The following PLEKHG5 variants were observed in gnomAD, a reference collection of about 807,000 sequenced individuals.
PLEKHG5 encodes pleckstrin homology and RhoGEF domain containing G5, also known as pleckstrin homology domain-containing family G member 5.
In PLEKHG5, 52 loss-of-function variants were observed where a neutral mutation model predicts 103.8. The observed-to-expected ratio is 0.50, with a 90% CI of 0.40 to 0.63. The LOEUF (loss-of-function observed/expected upper bound fraction) is 0.63. PLEKHG5 is among the 30% of genes least tolerant of loss of function. PLEKHG5 has a pLI of 0.00. For synonymous variants in PLEKHG5, 592 were observed against 575.5 expected (o/e 1.03, Z -0.41); for missense variants, 1,205 against 1,347.6 (o/e 0.89, Z 1.66).
At chr1:6,481,681 G>A (rs1415313677) in intron 1 of PLEKHG5, among the ~76,000 whole-genome samples, 2 of 151,440 alleles carry the variant, frequency 1.3e-5, no homozygotes, top group East Asian at 3.9e-4. Context: ...TGGCTAACAT[G>A]GTGAAACCCC....
At chr1:6,478,675 G>A (rs1013761720) in intron 1 of PLEKHG5, among the ~76,000 whole-genome samples, 4 of 151,452 alleles carry the variant, frequency 2.6e-5, no homozygotes, top group Non-Finnish European at 5.9e-5. Flanking sequence ...AAGGGGTCTC[G>A]CTCTGTTGCC....
rs1421839836 is a variant in PLEKHG5 at position 6,470,604 on chromosome 1, A to C, written c.1582T>G (p.Cys528Gly). Reference sequence around the variant, plus strand: ...TGCCGCTCCTGCCGCTGCCGCATGCACGCGTTCACGTGGTGGATGAAGCGC... The same window carrying C: ...TGCCGCTCCTGCCGCTGCCGCATGCCCGCGTTCACGTGGTGGATGAAGCGC... ...VERFIHHVNA[C>G]MRQRQERQRL... The change falls in exon 15 of 21, where the codon TGC becomes GGC. Residue 528 changes from cysteine (C) to glycine (G), a missense_variant. Physicochemically the swap from Cys to Gly is radical, Grantham distance 159. Transcript: ENST00000377728. 6.3e-7 allele frequency: 1 copy of C among 1,599,156 alleles called. No individual in the cohort carries two copies. The highest frequency in any genetic ancestry group is 8.5e-7 in the Non-Finnish European group (1 of 1,177,556).
chr1:6,516,587 G>A (rs1638620223), intron 1 of PLEKHG5, among the ~76,000 whole-genome samples: 2 of 151,234 alleles, frequency 1.3e-5, no homozygotes, highest in South Asian at 4.2e-4. Context: ...AACCCGGGAG[G>A]TGGGGGTTGC....
chr1:6,484,381 C>T (rs1644973236), intron 1 of PLEKHG5, among the ~76,000 whole-genome samples: 1 of 152,192 alleles, frequency 6.6e-6, no homozygotes. Context: ...CTCAGCAGTC[C>T]CCAGGCTCAG....
At chr1:6,474,734 C>T (rs1644709188) in intron 5 of PLEKHG5, 147 bp from the exon 6 acceptor site, 13 of 800,490 alleles carry the variant, frequency 1.6e-5, no homozygotes, top group South Asian at 1.4e-4. Context: ...TGGGATCACA[C>T]GCAGGTCCAC....
rs768648425 is a variant in PLEKHG5 at position 6,471,513 on chromosome 1, C to T, written c.1256G>A (p.Gly419Glu). 5 of 1,610,704 alleles carry T rather than the reference C, an allele frequency of 3.1e-6. No homozygotes were observed. The highest frequency in any genetic ancestry group is 2.7e-5 in the African/African-American group (2 of 75,014). ...ARRTRALLQP[G>E]DFLKGFKMFG... Reference sequence around the variant, plus strand: ...CATCTTGAAGCCTTTGAGGAAGTCCCCGGGCTGTAGCAGCGCTCGCGTGCG... The same window carrying T: ...CATCTTGAAGCCTTTGAGGAAGTCCTCGGGCTGTAGCAGCGCTCGCGTGCG... The change falls in exon 12 of 21, where the codon GGG (glycine) becomes GAG (glutamate). Residue 419 changes from glycine to glutamate, a missense_variant. By Grantham distance (98) the Gly-to-Glu change is moderately conservative (BLOSUM62 -2). Transcript: ENST00000377728.
chr1:6,470,736 A>G lies in PLEKHG5; in HGVS notation c.1541T>C (p.Met514Thr). 1.9e-6 allele frequency: 3 copies of G among 1,556,924 alleles called. No homozygotes were observed. The highest frequency in any genetic ancestry group is 2.6e-6 in the Non-Finnish European group (3 of 1,152,718). The change falls in exon 14 of 21, where the codon ATG becomes ACG. Residue 514 changes from methionine (M) to threonine (T), a missense_variant and splice_region_variant. Physicochemically the swap from Met to Thr is moderately conservative, Grantham distance 81. Coordinates refer to ENST00000377728, the MANE Select transcript of PLEKHG5 (RefSeq NM_020631.6). ...GCTCCCGCTGGCCATCAGGGTTACC[A>G]TGGCGACGACGGCCTCCTTGGCGCG... ...EPRAKEAVVA[M>T]IGSVERFIHH...
rs1226437945 is a variant in PLEKHG5, at chr1:6,505,584, A to G, written c.-164-9015T>C. On this transcript the variant is annotated intron_variant, in intron 1 of 21. Coordinates refer to the PLEKHG5 transcript ENST00000377740. The surrounding 1 kb of genome is among the most constrained non-coding windows in gnomAD (Gnocchi z 4.2). ...CTCTTCAGGGGCTTAAACTCCCTGT[A>G]CCTCTGTTTCCTCATCTGTAAAATG... Among the ~76,000 whole-genome samples the G allele has an allele frequency of 6.6e-6, 1 of 152,000 alleles. No homozygotes were observed. Among genetic ancestry groups the G allele is most frequent in the Non-Finnish European group, 1.5e-5 (1 of 68,000 alleles).
chr1:6,470,099 G>A lies in PLEKHG5; in HGVS notation c.1800+137C>T, dbSNP rs375535272. The stretch of plus-strand genomic sequence containing the variant: ...GCTGGATTTGTGAATGGCAGGCAGA[G>A]AACTGTCATTCACTATGACAAGGTC... On this transcript the variant is annotated intron_variant, in intron 16 of 20. Coordinates refer to ENST00000377728, the MANE Select transcript of PLEKHG5 (RefSeq NM_020631.6). 18 of 987,252 alleles carry A rather than the reference G, an allele frequency of 1.8e-5. No individual in the cohort carries two copies. The South Asian group carries it at 2.0e-4, about 11-fold the overall frequency. The allele number at this position is 987,252 out of a possible 1,614,324, so 61.2% of individuals were successfully genotyped here.
chr1:6,496,948 G>A (rs1178648291), upstream of PLEKHG5: 1 of 1,522,186 alleles, frequency 6.6e-7, no homozygotes, highest in South Asian at 1.2e-5. Flanking sequence ...CCAGATCCCT[G>A]AGAACCTTAC....
At chr1:6,518,433 G>A (rs1638687445) in intron 1 of PLEKHG5, among the ~76,000 whole-genome samples, 1 of 151,414 alleles carries the variant, frequency 6.6e-6, no homozygotes, top group Admixed American at 6.6e-5. Context: ...GATGGCGCAT[G>A]CCTGTAATCC....
intron 2 of PLEKHG5, among the ~76,000 whole-genome samples, chr1:6,476,996 G>A (rs1233365949): frequency 1.3e-5 from 2 of 152,196 alleles, no homozygotes; most frequent in Non-Finnish European, 2.9e-5. Context: ...CTGATCAGCT[G>A]GGAAAGGACT....
chr1:6,501,514 A>G (rs79122777), upstream of PLEKHG5, among the ~76,000 whole-genome samples: 4,971 of 152,172 alleles, frequency 0.033, 106 homozygotes, highest in Middle Eastern at 0.082. This position sits in a 1 kb window ranked among gnomAD's most constrained non-coding sequence, Gnocchi z 4.3. Flanking sequence ...ACGACACACA[A>G]TGACCACAGC....
Position 6,477,597 on chromosome 1 carries a change from G to T in PLEKHG5, c.-26C>A. Reference sequence around the variant, plus strand: ...GGTGCTGTGGAACTTGCTGTCACAGGCCTCGCAGAGGTTGAGGGGCCCCCG... The same window carrying T: ...GGTGCTGTGGAACTTGCTGTCACAGTCCTCGCAGAGGTTGAGGGGCCCCCG... On this transcript the variant is annotated 5_prime_UTR_variant, in exon 2 of 21. Transcript: ENST00000377728. 6.2e-7 allele frequency: 1 copy of T among 1,611,656 alleles called. No homozygotes were observed. Among genetic ancestry groups the T allele is most frequent in the Non-Finnish European group, 8.5e-7 (1 of 1,179,918 alleles).
intron 1 of PLEKHG5, among the ~76,000 whole-genome samples, chr1:6,489,107 C>T (rs1014562849): frequency 6.6e-6 from 1 of 152,192 alleles, no homozygotes; most frequent in Non-Finnish European, 1.5e-5. Flanking sequence ...ACCAGGAGTC[C>T]GAGCTCTCTG....
upstream of PLEKHG5, among the ~76,000 whole-genome samples, chr1:6,499,707 C>A (rs1457753388): frequency 2.0e-5 from 3 of 152,132 alleles, no homozygotes; most frequent in Non-Finnish European, 4.4e-5. Context: ...CCATCTACAG[C>A]CTTCGAGGAA....
chr1:6,504,771 G>C (rs535883445), intron 1 of PLEKHG5, among the ~76,000 whole-genome samples: 1 of 152,056 alleles, frequency 6.6e-6, no homozygotes, highest in Non-Finnish European at 1.5e-5. Context: ...GGGTTTCACC[G>C]TGTTAGTCAG....
rs1435522338 is a variant in PLEKHG5 at position 6,490,622 on chromosome 1, C to CT, written c.-88+1014dup. ...GGGAATTACGGTAGCCGCGCGGGCG[C>CT]TACCACCTGGACCGGCCGGGATGTA... On this transcript the variant is annotated intron_variant, in intron 1 of 20. Transcript: ENST00000377728. The surrounding 1 kb of genome is among the most constrained non-coding windows in gnomAD (Gnocchi z 8.0). 2.0e-6 allele frequency: 2 copies of CT among 985,156 alleles called. No homozygotes were observed. The highest frequency in any genetic ancestry group is 6.1e-5 in the Admixed American group (1 of 16,266). The allele number at this position is 985,156 out of a possible 1,614,324, so 61.0% of individuals were successfully genotyped here.
In PLEKHG5 at chr1:6,514,247, G is replaced by A. The variant is rs1208648182; in HGVS notation, c.-165+5198C>T. Among the ~76,000 whole-genome samples, 5 of 152,140 alleles carry A rather than the reference G, an allele frequency of 3.3e-5. No homozygotes were observed. In the South Asian group the frequency reaches 1.0e-3, roughly 32 times the overall value. ...GCTGGGGTGGGTCTCTGGAACCTGGGAGGTTGAGACCAGGCTGGGCAACAT... is the reference window on the plus strand; with the variant it reads ...GCTGGGGTGGGTCTCTGGAACCTGGAAGGTTGAGACCAGGCTGGGCAACAT... On this transcript the variant is annotated intron_variant, in intron 1 of 21. Transcript: ENST00000377740.
Sources: allele counts gnomAD v4.1 joint callset (sites outside exome capture counted in the v4.1 genomes callset), GRCh38; gene constraint gnomAD v4.1.1; non-coding constraint Gnocchi (gnomAD v3.1); transcripts MANE v1.5; gene names NCBI Gene and HGNC (gene_info 2026-07-23, HGNC 2026-07-21).